The following POLA1 variants were observed in gnomAD, a reference collection of about 807,000 sequenced individuals.
POLA1 encodes DNA polymerase alpha catalytic subunit.
In POLA1, 15 loss-of-function variants were observed where a neutral mutation model predicts 124.0. The observed-to-expected ratio is 0.12, with a 90% CI of 0.08 to 0.19. POLA1 has a LOEUF of 0.19. Ranked by LOEUF, POLA1 falls within the 10% of genes least tolerant of loss-of-function variation. The pLI is 1.00. For missense variants in POLA1, 886 were observed against 1,103.4 expected (o/e 0.80, Z 2.79); for synonymous variants, 408 against 389.4 (o/e 1.05, Z -0.56).
At chrX:24,784,989 G>A (rs2045336012) in intron 26 of POLA1, among the ~76,000 whole-genome samples, 1 of 112,161 alleles carries the variant, frequency 8.9e-6, no homozygotes, top group African/African-American at 3.2e-5. Flanking sequence ...ATTCAGGTCA[G>A]TCATACTCTC....
At chrX:24,789,520 T>A (rs1312344580) in intron 26 of POLA1, among the ~76,000 whole-genome samples, 1 of 110,287 alleles carries the variant, frequency 9.1e-6, no homozygotes, top group Non-Finnish European at 1.9e-5. Context: ...ACAAATAACA[T>A]GGAAAGGGCC....
At chrX:24,960,237 G>T (rs1287860547) in intron 36 of POLA1, among the ~76,000 whole-genome samples, 1 of 111,902 alleles carries the variant, frequency 8.9e-6, no homozygotes, top group African/African-American at 3.3e-5. Flanking sequence ...GATTGAAGTA[G>T]AGTTGAGCAT....
intron 35 of POLA1, among the ~76,000 whole-genome samples, chrX:24,913,724 C>CAA (rs757167001): frequency 7.9e-5 from 7 of 88,169 alleles, no homozygotes; most frequent in African/African-American, 2.9e-4. Context: ...CAAAAAAAAA[C>CAA]AAAAAAAAAA....
intron 35 of POLA1, among the ~76,000 whole-genome samples, chrX:24,927,818 G>GA (rs1423800615): frequency 2.4e-4 from 27 of 111,919 alleles, no homozygotes; most frequent in African/African-American, 8.4e-4. Flanking sequence ...TAAGTGTGAG[G>GA]AAAAAAACGC....
Position 24,737,558 on chromosome X carries a change from G to A in POLA1, c.1924-67G>A, listed in dbSNP as rs11573358. ...AAGAAAGGGCAAAGAAATTCTGTGC[G>A]TATGAAGATAAATCCTCTAATTTGC... On this transcript the variant is annotated intron_variant, in intron 18 of 36. Coordinates refer to ENST00000379068, the MANE Select transcript of POLA1 (RefSeq NM_001330360.2). 158 of 575,397 alleles carry A rather than the reference G, an allele frequency of 2.7e-4. 1 individual carries two copies. The highest frequency in any genetic ancestry group is 2.7e-3 in the South Asian group (108 of 39,836). The allele number at this position is 575,397 out of a possible 1,213,427, so 47.4% of individuals were successfully genotyped here. A position where few individuals can be genotyped will look rare whatever the true frequency, so the allele number is the denominator to read the frequency against.
chrX:24,945,880 T>C (rs1192630034), intron 36 of POLA1, among the ~76,000 whole-genome samples: 1 of 111,207 alleles, frequency 9.0e-6, no homozygotes, highest in African/African-American at 3.3e-5. Context: ...AGGAAGCATT[T>C]ATGGTGCTGT....
intron 29 of POLA1, 144 bp downstream of exon 29, chrX:24,813,007 C>A (rs915196193): frequency 1.6e-5 from 6 of 380,091 alleles, no homozygotes; most frequent in African/African-American, 1.3e-4. Context: ...AATTATTAAT[C>A]ATTCTTATTT....
At chrX:24,742,227 T>C in intron 22 of POLA1, 106 bp downstream of exon 22, 5 of 712,461 alleles carry the variant, frequency 7.0e-6, no homozygotes, top group Middle Eastern at 3.1e-4. Context: ...TCAAAATAGC[T>C]AATCCCTTGT....
chrX:24,779,084 C>CT (rs1211470754), intron 26 of POLA1, among the ~76,000 whole-genome samples: 163 of 104,891 alleles, frequency 1.6e-3, no homozygotes, highest in African/African-American at 4.4e-3. Context: ...TTCTTTCTTT[C>CT]TTTTTTTTTT....
intron 34 of POLA1, among the ~76,000 whole-genome samples, chrX:24,875,478 A>T (rs1291330201): frequency 8.9e-6 from 1 of 112,219 alleles, no homozygotes; most frequent in East Asian, 2.8e-4. Context: ...TATATTTTCA[A>T]AGTGTAAAGA....
chrX:24,812,641 A>AT lies in POLA1; in HGVS notation c.3091-14dup. 1 of 1,022,001 alleles carries AT rather than the reference A, an allele frequency of 9.8e-7. No homozygotes were observed. Among genetic ancestry groups the AT allele is most frequent in the Non-Finnish European group, 1.4e-6 (1 of 730,807 alleles). The allele number at this position is 1,022,001 out of a possible 1,213,427, so 84.2% of individuals were successfully genotyped here. On this transcript the variant is annotated splice_polypyrimidine_tract_variant and intron_variant, in intron 28 of 36. Transcript: ENST00000379068. ...AGATGTTTGAGAAGCTAATACTAAT[A>AT]TTTGAAATTTTCACAGGTAAAAAGT...
At chrX:24,882,273 A>G (rs962768207) in intron 34 of POLA1, among the ~76,000 whole-genome samples, 18 of 112,105 alleles carry the variant, frequency 1.6e-4, no homozygotes, top group Non-Finnish European at 1.9e-5. Flanking sequence ...TTGCTCCTCT[A>G]CATTTTTATT....
intron 30 of POLA1, 26 bp downstream of exon 30, chrX:24,815,137 C>T (rs2045972336): frequency 8.5e-7 from 1 of 1,176,131 alleles, no homozygotes; most frequent in African/African-American, 1.8e-5. Flanking sequence ...ATTGCTGAGC[C>T]CAGCTGCTGT....
chrX:24,964,792 C>T (rs182343373), intron 36 of POLA1, among the ~76,000 whole-genome samples: 7 of 111,837 alleles, frequency 6.3e-5, no homozygotes, highest in East Asian at 2.8e-4. Flanking sequence ...TACTATGTGC[C>T]GGACACAGTA....
At chrX:24,844,068 C>T (rs756120934) in intron 34 of POLA1, among the ~76,000 whole-genome samples, 3 of 108,428 alleles carry the variant, frequency 2.8e-5, no homozygotes, top group African/African-American at 6.7e-5. Context: ...GCCATAAGAT[C>T]GTGTGTAGTG....
intron 35 of POLA1, among the ~76,000 whole-genome samples, chrX:24,918,433 T>A (rs1431624178): frequency 9.0e-6 from 1 of 111,447 alleles, no homozygotes; most frequent in Non-Finnish European, 1.9e-5. Context: ...ATTAAAGGTT[T>A]GTTGTAGCCA....
At chrX:24,953,906 C>T (rs1248259279) in intron 36 of POLA1, among the ~76,000 whole-genome samples, 2 of 112,263 alleles carry the variant, frequency 1.8e-5, no homozygotes, top group African/African-American at 6.5e-5. Context: ...GTCTTATTCC[C>T]ATATCAGCAT....
chrX:24,983,922 ACCTGCCTCCCCCAAAACTC>A (rs2048450671), intron 36 of POLA1, among the ~76,000 whole-genome samples: 2 of 111,168 alleles, frequency 1.8e-5, no homozygotes, highest in African/African-American at 6.6e-5. Flanking sequence ...GTCCTCTACT[ACCTGCCTCCCCCAAAACTC>A]CCTGCTTCCG....
In POLA1 at chrX:24,726,011, C is replaced by T. The variant is rs1930517179; in HGVS notation, c.1348C>T (p.Pro450Ser). ...GGAAAAGAACTATGCTTTTGAGATA[C>T]CTGATGTTCCAGAAAAATCTGAGTA... ...PVEKNYAFEI[P>S]DVPEKSEYLE... The change falls in exon 13 of 37, where the codon CCT (proline) becomes TCT (serine). Residue 450 changes from proline (P) to serine (S), a missense_variant. Around this residue, in one of 7 missense-constraint regions of POLA1, gnomAD observed 337 missense variants for 402.8 expected, o/e 0.84. Coordinates refer to ENST00000379068, the MANE Select transcript of POLA1 (RefSeq NM_001330360.2). The T allele has an allele frequency of 3.4e-6, 4 of 1,185,034 alleles. No homozygotes were observed. Among genetic ancestry groups the T allele is most frequent in the Non-Finnish European group, 4.6e-6 (4 of 873,132 alleles).
Sources: allele counts gnomAD v4.1 joint callset (sites outside exome capture counted in the v4.1 genomes callset), GRCh38; gene constraint gnomAD v4.1.1; regional missense constraint gnomAD v4.1.1; transcripts MANE v1.5; gene names NCBI Gene and HGNC (gene_info 2026-07-23, HGNC 2026-07-21).